TTBK2: variants seen among roughly 807,000 people sequenced by gnomAD.
The protein encoded by TTBK2 is tau-tubulin kinase 2.
A neutral mutation model predicts 110.8 loss-of-function variants in TTBK2; 28 were observed. The ratio of observed to expected loss-of-function variants is 0.25; its 90% CI spans 0.19 to 0.35. The LOEUF (loss-of-function observed/expected upper bound fraction) is 0.35. Among genes scored for constraint, TTBK2 ranks in the 10% least tolerant of loss-of-function variants. The probability of loss-of-function intolerance (pLI) is 1.00; values close to 1 mark genes in which losing one functional copy is unlikely to be tolerated. For synonymous variants in TTBK2, 532 were observed against 527.3 expected (o/e 1.01, Z -0.12); for missense variants, 1,369 against 1,500.3 (o/e 0.91, Z 1.45).
intron 1 of TTBK2, among the ~76,000 whole-genome samples, chr15:42,900,473 G>A (rs762972733): frequency 3.9e-5 from 6 of 151,900 alleles, no homozygotes; most frequent in Non-Finnish European, 7.4e-5. Context: ...AATCCCAGGA[G>A]TTTAGGAGGC....
intron 3 of TTBK2, among the ~76,000 whole-genome samples, chr15:42,850,722 C>T (rs1893664180): frequency 6.6e-6 from 1 of 151,972 alleles, no homozygotes; most frequent in African/African-American, 2.4e-5. Flanking sequence ...TTTTTTAAAG[C>T]ATATACACTT....
chr15:42,746,153 G>A lies in TTBK2; in HGVS notation c.3377C>T (p.Thr1126Ile), dbSNP rs1349518496. 6.2e-7 allele frequency: 1 copy of A among 1,614,082 alleles called. No homozygotes were observed. The highest frequency in any genetic ancestry group is 8.5e-7 in the Non-Finnish European group (1 of 1,180,036). Residue 1126 changes from threonine to isoleucine, a missense_variant, in exon 15 of 15, where the codon ACT becomes ATT. Transcript: ENST00000267890. ...AGGAGATCCTGGACTCTTGCACTGA[G>A]TAGTGCTCCGGGGTTTCTGAGATCC... ...QNGSQKPRST[T>I]QCKSPGSPHN...
chr15:42,827,228 G>C (rs1892572054), intron 6 of TTBK2, among the ~76,000 whole-genome samples: 1 of 152,190 alleles, frequency 6.6e-6, no homozygotes, highest in Admixed American at 6.5e-5. Context: ...ATGGTTGGCA[G>C]GGAGGGAGGA....
intron 5 of TTBK2, among the ~76,000 whole-genome samples, chr15:42,829,455 A>G (rs1764114964): frequency 1.3e-5 from 2 of 152,252 alleles, no homozygotes; most frequent in Non-Finnish European, 2.9e-5. Flanking sequence ...TATAAAAGAA[A>G]CCAGGGAATA....
At chr15:42,894,617 GTGA>G (rs1895594801) in intron 1 of TTBK2, among the ~76,000 whole-genome samples, 1 of 152,094 alleles carries the variant, frequency 6.6e-6, no homozygotes, top group Admixed American at 6.6e-5. Context: ...GCTGGACATG[GTGA>G]TGCACACCTG....
chr15:42,862,907 T>A (rs912599095), intron 3 of TTBK2, among the ~76,000 whole-genome samples: 6 of 151,742 alleles, frequency 4.0e-5, no homozygotes, highest in East Asian at 3.9e-4. Flanking sequence ...ACAAATAAAT[T>A]AATTAATTAA....
chr15:42,747,891 A>G (rs2061817294), intron 14 of TTBK2, among the ~76,000 whole-genome samples: 1 of 152,202 alleles, frequency 6.6e-6, no homozygotes, highest in South Asian at 2.1e-4. Flanking sequence ...CTACTTGGAA[A>G]AAAACTTCAC....
chr15:42,898,119 T>G (rs1895739694), intron 1 of TTBK2, among the ~76,000 whole-genome samples: 1 of 152,136 alleles, frequency 6.6e-6, no homozygotes, highest in Non-Finnish European at 1.5e-5. Context: ...GCTAACTGCT[T>G]ATGACGGCCT....
Position 42,794,770 on chromosome 15 carries a change from T to C in TTBK2, c.854A>G (p.Lys285Arg). 5 of 1,614,148 alleles carry C rather than the reference T, an allele frequency of 3.1e-6. No individual in the cohort carries two copies. Among genetic ancestry groups the C allele is most frequent in the Non-Finnish European group, 4.2e-6 (5 of 1,180,034 alleles). Residue 285 changes from lysine (K) to arginine (R), a missense_variant, in exon 10 of 15, where the codon AAG becomes AGG. Coordinates refer to ENST00000267890, the MANE Select transcript of TTBK2 (RefSeq NM_173500.4). ...GTCACTCTCAATTACTCCAAAAGTC[T>C]TGATGCTATTGTCAAACACGGATGT... ...LLTSVFDNSI[K>R]TFGVIESDPF...
intron 10 of TTBK2, among the ~76,000 whole-genome samples, chr15:42,789,303 G>A (rs12904915): frequency 1.1e-4 from 17 of 149,828 alleles, no homozygotes; most frequent in South Asian, 6.4e-4. Flanking sequence ...GTGTGTGTGT[G>A]TATATATATA....
At chr15:42,900,184 G>A (rs1291891561) in intron 1 of TTBK2, among the ~76,000 whole-genome samples, 2 of 151,302 alleles carry the variant, frequency 1.3e-5, no homozygotes, top group Non-Finnish European at 2.9e-5. Context: ...GTCGAGACGG[G>A]GTTTCACCAT....
chr15:42,801,546 G>C, intron 9 of TTBK2: 1 of 767,164 alleles, frequency 1.3e-6, no homozygotes, highest in South Asian at 1.3e-5. Flanking sequence ...CCCAGCGTCT[G>C]CAGCTCCTTA....
intron 1 of TTBK2, among the ~76,000 whole-genome samples, chr15:42,904,629 T>C (rs1018163662): frequency 6.6e-6 from 1 of 152,134 alleles, no homozygotes; most frequent in Admixed American, 6.5e-5. Flanking sequence ...AACTTGTAAA[T>C]GTAGAATAAC....
At chr15:42,814,289 T>C (rs1891850040) in intron 7 of TTBK2, among the ~76,000 whole-genome samples, 1 of 152,172 alleles carries the variant, frequency 6.6e-6, no homozygotes, top group African/African-American at 2.4e-5. Context: ...GTTAAAACTT[T>C]AAGATTTGGC....
At chr15:42,859,218 C>A (rs1266084190) in intron 3 of TTBK2, among the ~76,000 whole-genome samples, 1 of 152,158 alleles carries the variant, frequency 6.6e-6, no homozygotes, top group East Asian at 1.9e-4. Flanking sequence ...GATCTTCCCA[C>A]CTCTCAGCCT....
chr15:42,873,296 T>A (rs764081946), intron 2 of TTBK2, among the ~76,000 whole-genome samples: 1 of 151,986 alleles, frequency 6.6e-6, no homozygotes, highest in Non-Finnish European at 1.5e-5. Flanking sequence ...TAGCCAGGCG[T>A]GGTGGTACAT....
At chr15:42,791,295 A>G (rs913432720) in intron 10 of TTBK2, among the ~76,000 whole-genome samples, 5 of 152,304 alleles carry the variant, frequency 3.3e-5, no homozygotes, top group African/African-American at 9.6e-5. Flanking sequence ...TGGGATTACA[A>G]GTATGAGCCA....
chr15:42,829,980 T>G lies in TTBK2; in HGVS notation c.390A>C (p.Glu130Asp). The G allele has an allele frequency of 6.2e-7, 1 of 1,614,140 alleles. No individual in the cohort carries two copies. The change falls in exon 5 of 15, where the codon GAA (glutamate) becomes GAC (aspartate). Residue 130 changes from glutamate to aspartate, a missense_variant. This residue lies in a region of TTBK2 where 122 missense variants were observed against 159.7 expected (regional missense o/e 0.76). Transcript: ENST00000267890. ...GCAAGAATCCCACAGAATGAATGCT[T>G]TCAATAGACTCCAAAATCTGTCTAC... is the stretch of plus-strand genomic sequence containing the variant. ...RLGRQILESI[E>D]SIHSVGFLHR... is the part of the protein sequence containing the mutation.
At chr15:42,815,930 A>AT (rs1891942330) in intron 7 of TTBK2, among the ~76,000 whole-genome samples, 1 of 44,052 alleles carries the variant, frequency 2.3e-5, no homozygotes, top group Non-Finnish European at 3.4e-5. Context: ...ATATATTTAA[A>AT]AATATATATA....
Sources: gnomAD v4.1 joint callset for allele counts (sites outside exome capture counted in the v4.1 genomes callset) on GRCh38, gnomAD v4.1.1 for gene constraint, gnomAD v4.1.1 regional missense constraint, MANE v1.5 for transcripts, NCBI Gene and HGNC (gene_info 2026-07-23, HGNC 2026-07-21) for gene names.